The following RAB1A variants were observed in gnomAD, a reference collection of about 807,000 sequenced individuals.
RAB1A encodes the protein RAB1A, member RAS oncogene family.
RAB1A carries 2 observed loss-of-function variants against 26.0 expected under a neutral mutation model. That is an observed-to-expected ratio of 0.08 (90% CI 0.03 to 0.24). The LOEUF (loss-of-function observed/expected upper bound fraction) is 0.24, where lower values mean the gene tolerates loss of function less well. Among genes scored for constraint, RAB1A ranks in the 10% least tolerant of loss-of-function variants. The probability of loss-of-function intolerance (pLI) is 1.00; values close to 1 mark genes in which losing one functional copy is unlikely to be tolerated. For synonymous variants in RAB1A, 84 were observed against 84.9 expected, an observed-to-expected ratio of 0.99 and a Z score of 0.06; for missense variants, 100 against 247.0, an observed-to-expected ratio of 0.40 and a Z score of 3.99.
At chr2:65,104,712 A>T (rs1281106167) in intron 2 of RAB1A, 22 bp downstream of exon 2, 1 of 1,498,928 alleles carries the variant, frequency 6.7e-7, no homozygotes, top group Non-Finnish European at 9.1e-7. Context: ...TTAATTGTAA[A>T]GACATTTCAA....
chr2:65,121,786 G>A (rs565146055), intron 1 of RAB1A, among the ~76,000 whole-genome samples: 20 of 151,616 alleles, frequency 1.3e-4, no homozygotes, highest in African/African-American at 3.4e-4. Flanking sequence ...CCTCTAAAGC[G>A]GGGGCCGGGG....
chr2:65,110,734 G>T (rs1259489696), intron 1 of RAB1A, among the ~76,000 whole-genome samples: 1 of 151,816 alleles, frequency 6.6e-6, no homozygotes, highest in Non-Finnish European at 1.5e-5. Context: ...AGAAGTTCAA[G>T]ACCAGCCTGA....
intron 3 of RAB1A, 109 bp downstream of exon 3, chr2:65,097,861 TA>T: frequency 1.7e-6 from 1 of 580,068 alleles, no homozygotes; most frequent in Non-Finnish European, 2.9e-6. Context: ...ACATGAATCT[TA>T]AGACATTTTA....
chr2:65,095,820 T>A (rs1356597475), intron 3 of RAB1A, among the ~76,000 whole-genome samples: 1 of 151,322 alleles, frequency 6.6e-6, no homozygotes, highest in Non-Finnish European at 1.5e-5. Flanking sequence ...GAGACCAGCC[T>A]GGCCAACATG....
chr2:65,128,929 C>T (rs1005030603), intron 1 of RAB1A, among the ~76,000 whole-genome samples: 4 of 152,156 alleles, frequency 2.6e-5, no homozygotes, highest in Admixed American at 6.6e-5. Flanking sequence ...CCAGGTGTGT[C>T]ACATCTGCTG....
At chr2:65,108,774 T>A (rs1219521860) in intron 1 of RAB1A, among the ~76,000 whole-genome samples, 1 of 152,058 alleles carries the variant, frequency 6.6e-6, no homozygotes, top group Admixed American at 6.6e-5. Context: ...TCATTGTACT[T>A]CAGCCTGGAC....
chr2:65,109,336 T>A (rs1573079200), intron 1 of RAB1A, among the ~76,000 whole-genome samples: 1 of 152,298 alleles, frequency 6.6e-6, no homozygotes, highest in Middle Eastern at 3.4e-3. Context: ...TGAATTTGGA[T>A]CACTAAGTTT....
intron 2 of RAB1A, among the ~76,000 whole-genome samples, 177 bp downstream of exon 2, chr2:65,104,557 A>G (rs900467126): frequency 1.3e-5 from 2 of 152,100 alleles, no homozygotes; most frequent in African/African-American, 2.4e-5. Context: ...GAGCAACAAT[A>G]TTTTTCTATT....
chr2:65,101,700 CCTT>C (rs1669431643), intron 2 of RAB1A, among the ~76,000 whole-genome samples: 1 of 138,252 alleles, frequency 7.2e-6, no homozygotes, highest in Non-Finnish European at 1.5e-5. Context: ...TAAAGTTGAG[CCTT>C]TTTTTTTTTC....
At chr2:65,103,319 G>GAAAAAAAA (rs1669480886) in intron 2 of RAB1A, among the ~76,000 whole-genome samples, 1 of 33,522 alleles carries the variant, frequency 3.0e-5, no homozygotes, top group Non-Finnish European at 6.8e-5. Flanking sequence ...AAAAAACATT[G>GAAAAAAAA]TTTTATGTGA....
chr2:65,098,523 C>G (rs1052558661), intron 2 of RAB1A, among the ~76,000 whole-genome samples: 5 of 113,274 alleles, frequency 4.4e-5, no homozygotes, highest in Non-Finnish European at 9.9e-5. Context: ...ATCTTGCTTC[C>G]TAATTATGAT....
chr2:65,129,949 C>T lies in RAB1A; in HGVS notation c.-34G>A, dbSNP rs1374366131. On this transcript the variant is annotated 5_prime_UTR_variant, in exon 1 of 6. Transcript: ENST00000409784. ...AGCTGCCGCCGCCGCCACCGCCGCC[C>T]TTGCTGCCGCAGCCGCCGCCCTGAC... The T allele has an allele frequency of 6.3e-7, 1 of 1,576,382 alleles. No individual in the cohort carries two copies. The highest frequency in any genetic ancestry group is 8.6e-7 in the Non-Finnish European group (1 of 1,163,380).
At chr2:65,123,047 T>C (rs7583197) in intron 1 of RAB1A, among the ~76,000 whole-genome samples, 149,856 of 149,858 alleles carry the variant, frequency 1, 74,927 homozygotes, top group Middle Eastern at 1. Context: ...AAACTACAAA[T>C]AGTGAAACCA....
intron 4 of RAB1A, 22 bp from the exon 5 acceptor site, chr2:65,089,092 T>A: frequency 1.3e-6 from 2 of 1,586,478 alleles, no homozygotes; most frequent in East Asian, 4.5e-5. Flanking sequence ...TTTGAAAGAC[T>A]GATAATATAG....
At chr2:65,121,149 A>T (rs951301432) in intron 1 of RAB1A, among the ~76,000 whole-genome samples, 1 of 150,112 alleles carries the variant, frequency 6.7e-6, no homozygotes. Flanking sequence ...CAGGAGGATC[A>T]CTAGAGTACA....
chr2:65,127,325 G>A (rs914829871), intron 1 of RAB1A, among the ~76,000 whole-genome samples: 4 of 151,942 alleles, frequency 2.6e-5, no homozygotes, highest in African/African-American at 9.7e-5. Context: ...CTTCTATAAA[G>A]TCTTCCAAAA....
rs79776198 is a variant in RAB1A, at chr2:65,103,127, G to A, written c.96+1607C>T. Among the ~76,000 whole-genome samples, 3,371 of 151,754 alleles carry A rather than the reference G, an allele frequency of 0.022. 211 individuals carry two copies. The East Asian group carries it at 0.23, about 10-fold the overall frequency. On this transcript the variant is annotated intron_variant, in intron 2 of 5. Transcript: ENST00000409784. ...GCTCAGAAGTTTGAGAGCAGCCTGT[G>A]CAACACAGTGAGACCTTGTCACTAC...
rs199534070 is a variant in RAB1A, at chr2:65,125,054, A to AAT, written c.23+4838_23+4839insAT. 6.8e-3 allele frequency among the ~76,000 whole-genome samples: 1,025 copies of AAT among 151,674 alleles called. 15 individuals are homozygous for AAT. Among genetic ancestry groups the AAT allele is most frequent in the African/African-American group, 0.023 (962 of 41,372 alleles). On this transcript the variant is annotated intron_variant, in intron 1 of 5. Coordinates refer to ENST00000409784, the MANE Select transcript of RAB1A (RefSeq NM_004161.5). ...TTATTTGAAACACAATGCAAGCAAAAAAAAAAAAAAAGGTCAAATGTTTCT... is the reference window on the plus strand; with the variant it reads ...TTATTTGAAACACAATGCAAGCAAAAATAAAAAAAAAAAGGTCAAATGTTTCT...
intron 1 of RAB1A, among the ~76,000 whole-genome samples, chr2:65,126,797 A>T (rs1051115039): frequency 7.9e-5 from 12 of 152,234 alleles, no homozygotes; most frequent in Non-Finnish European, 1.5e-4. Flanking sequence ...TTAAAAACGA[A>T]TGAGCTTGTA....
Sources: gnomAD v4.1 joint callset for allele counts (sites outside exome capture counted in the v4.1 genomes callset) on GRCh38, gnomAD v4.1.1 for gene constraint, MANE v1.5 for transcripts, NCBI Gene and HGNC (gene_info 2026-07-23, HGNC 2026-07-21) for gene names.